HMCN1: variants seen among roughly 807,000 people sequenced by gnomAD.
The protein encoded by HMCN1 is hemicentin 1, also known as hemicentin-1.
In HMCN1, 321 loss-of-function variants were observed where a neutral mutation model predicts 625.9. The ratio of observed to expected loss-of-function variants is 0.51; its 90% CI spans 0.47 to 0.56. HMCN1 has a LOEUF of 0.56. Among genes scored for constraint, HMCN1 ranks in the 20% least tolerant of loss-of-function variants. The pLI is 0.00. For missense variants in HMCN1, 6,588 were observed against 6,887.3 expected (o/e 0.96, Z 1.54); for synonymous variants, 2,425 against 2,417.6 (o/e 1.00, Z -0.09).
At chr1:185,999,467 T>A (rs555501947) in intron 25 of HMCN1, among the ~76,000 whole-genome samples, 1 of 152,206 alleles carries the variant, frequency 6.6e-6, no homozygotes, top group East Asian at 1.9e-4. Context: ...AAGCTATTTC[T>A]CAACTACCAT....
At chr1:186,037,881 C>A in intron 36 of HMCN1, 53 bp from the exon 37 acceptor site, 1 of 1,071,242 alleles carries the variant, frequency 9.3e-7, no homozygotes, top group Non-Finnish European at 1.5e-6. Context: ...CAAACAATTT[C>A]AGCTTAAATA....
chr1:186,114,464 G>A (rs1661035346), intron 73 of HMCN1, among the ~76,000 whole-genome samples: 1 of 152,042 alleles, frequency 6.6e-6, no homozygotes, highest in African/African-American at 2.4e-5. Flanking sequence ...TCACCAGGTT[G>A]GCCAGGCTGG....
rs140611904 is a variant in HMCN1 at position 185,933,775 on chromosome 1, T to C, written c.1779T>C (p.Val593=). ...FNDAGEYHCM[V]SSEGGSSAAS... is the part of the protein sequence containing the mutation. ...ATGCTGGAGAGTATCATTGTATGGT[T>C]TCTAGTGAAGGTGGATCATCAGCCG... The change falls in exon 11 of 107, where the codon GTT becomes GTC. Residue 593 remains valine (V), a synonymous_variant. Coordinates refer to ENST00000271588, the MANE Select transcript of HMCN1 (RefSeq NM_031935.3). The C allele has an allele frequency of 6.2e-7, 1 of 1,613,844 alleles. No homozygotes were observed. The highest frequency in any genetic ancestry group is 8.5e-7 in the Non-Finnish European group (1 of 1,179,864).
At chr1:186,186,178 C>T (rs775442470) in intron 105 of HMCN1, among the ~76,000 whole-genome samples, 2 of 151,968 alleles carry the variant, frequency 1.3e-5, no homozygotes, top group Non-Finnish European at 2.9e-5. Flanking sequence ...TCAGATTTAC[C>T]GTCAGAAAAA....
chr1:185,868,119 G>A, intron 4 of HMCN1, among the ~76,000 whole-genome samples: 1 of 151,452 alleles, frequency 6.6e-6, no homozygotes, highest in Admixed American at 6.6e-5. Flanking sequence ...AGAACCATAG[G>A]ACTTTATTAG....
At chr1:185,746,067 C>T (rs891326471) in intron 1 of HMCN1, among the ~76,000 whole-genome samples, 1 of 152,166 alleles carries the variant, frequency 6.6e-6, no homozygotes, top group Non-Finnish European at 1.5e-5. Flanking sequence ...CAACTCTGTG[C>T]ATTTATAGAG....
chr1:185,884,281 A>G (rs1664499040), intron 4 of HMCN1, among the ~76,000 whole-genome samples: 1 of 151,890 alleles, frequency 6.6e-6, no homozygotes, highest in Non-Finnish European at 1.5e-5. Flanking sequence ...CTTTGTAGAA[A>G]GTGGTTCTCT....
intron 97 of HMCN1, among the ~76,000 whole-genome samples, chr1:186,160,351 T>A (rs1230159468): frequency 3.4e-5 from 5 of 148,770 alleles, no homozygotes; most frequent in Non-Finnish European, 3.0e-5. Flanking sequence ...ATCAATTTTG[T>A]TGATCCTTTC....
chr1:185,913,465 G>A (rs878938101), intron 6 of HMCN1, among the ~76,000 whole-genome samples: 4 of 152,090 alleles, frequency 2.6e-5, no homozygotes, highest in Non-Finnish European at 4.4e-5. Context: ...AAGAAGTGTC[G>A]AGTCTCTTCA....
chr1:186,025,256 C>T (rs915996376), intron 36 of HMCN1, among the ~76,000 whole-genome samples: 1 of 152,084 alleles, frequency 6.6e-6, no homozygotes, highest in African/African-American at 2.4e-5. Flanking sequence ...CTGTGTGGCC[C>T]AGTTCCTAAC....
At chr1:186,049,396 C>A (rs1387566042) in intron 42 of HMCN1, among the ~76,000 whole-genome samples, 1 of 151,738 alleles carries the variant, frequency 6.6e-6, no homozygotes, top group Non-Finnish European at 1.5e-5. Flanking sequence ...AGTATACTCA[C>A]CTGTATTTCA....
intron 1 of HMCN1, among the ~76,000 whole-genome samples, chr1:185,744,487 C>T (rs1465181817): frequency 6.6e-6 from 1 of 152,134 alleles, no homozygotes; most frequent in African/African-American, 2.4e-5. Context: ...CAAAGATAAG[C>T]CATTAGATCC....
intron 40 of HMCN1, among the ~76,000 whole-genome samples, chr1:186,042,291 T>G (rs1479760016): frequency 6.6e-6 from 1 of 152,168 alleles, no homozygotes. Flanking sequence ...GCTTTTATGC[T>G]TTATGAAGAA....
intron 4 of HMCN1, among the ~76,000 whole-genome samples, chr1:185,902,807 A>G (rs1665890542): frequency 6.6e-6 from 1 of 151,720 alleles, no homozygotes; most frequent in African/African-American, 2.4e-5. Context: ...ACATATGTCT[A>G]CATGTATGTG....
intron 1 of HMCN1, among the ~76,000 whole-genome samples, chr1:185,740,226 C>T (rs1415071284): frequency 6.6e-6 from 1 of 152,110 alleles, no homozygotes; most frequent in East Asian, 1.9e-4. Flanking sequence ...TATGCATCTA[C>T]ATAATCATTC....
intron 15 of HMCN1, among the ~76,000 whole-genome samples, chr1:185,972,145 A>G (rs928560754): frequency 2.6e-5 from 4 of 152,186 alleles, no homozygotes; most frequent in East Asian, 1.9e-4. Context: ...CAGATATTTT[A>G]TGTTTACTCA....
chr1:186,115,471 C>A, intron 75 of HMCN1, 57 bp downstream of exon 75: 1 of 1,488,938 alleles, frequency 6.7e-7, no homozygotes, highest in Non-Finnish European at 9.3e-7. Flanking sequence ...AATGAATCAA[C>A]ATTTTAATTC....
intron 25 of HMCN1, 100 bp downstream of exon 25, chr1:185,997,624 T>C: frequency 1.2e-6 from 1 of 821,476 alleles, no homozygotes; most frequent in South Asian, 1.4e-5. Flanking sequence ...TCCACATCAA[T>C]CCTTGGTAGA....
intron 84 of HMCN1, 78 bp downstream of exon 84, chr1:186,130,178 T>C (rs1417805551): frequency 3.9e-6 from 6 of 1,549,366 alleles, no homozygotes. Context: ...TATTTTATGG[T>C]AATAAAATAT....
Sources: allele counts gnomAD v4.1 joint callset (sites outside exome capture counted in the v4.1 genomes callset), GRCh38; gene constraint gnomAD v4.1.1; transcripts MANE v1.5; gene names NCBI Gene and HGNC (gene_info 2026-07-23, HGNC 2026-07-21).